Variants in MECOM observed in about 807,000 individuals in gnomAD.
The protein encoded by MECOM is MDS1 and EVI1 complex locus, also known as histone-lysine N-methyltransferase MECOM.
Under a neutral mutation model 116.3 loss-of-function variants are expected in MECOM, and 13 were observed. That is an observed-to-expected ratio of 0.11 (90% CI 0.07 to 0.18). MECOM has a LOEUF of 0.18. Among genes scored for constraint, MECOM ranks in the 10% least tolerant of loss-of-function variants. The probability of loss-of-function intolerance (pLI) is 1.00; values close to 1 mark genes in which losing one functional copy is unlikely to be tolerated. For synonymous variants in MECOM, 528 were observed against 535.2 expected (o/e 0.99, Z 0.19); for missense variants, 1,299 against 1,509.0 (o/e 0.86, Z 2.31).
Position 169,263,277 on chromosome 3 carries a change from C to T in MECOM, c.375+117910G>A, listed in dbSNP as rs577098137. ...CCGAGTAGCTGGGACTACAGGCGCC[C>T]GCCACCATGCTCGGTTAATCTTTTG... On this transcript the variant is annotated intron_variant, in intron 2 of 16. Transcript: ENST00000651503. 2.1e-3 allele frequency among the ~76,000 whole-genome samples: 316 copies of T among 150,420 alleles called. 2 individuals are homozygous for T. Among genetic ancestry groups the T allele is most frequent in the Middle Eastern group, 3.4e-3 (1 of 290 alleles).
intron 1 of MECOM, among the ~76,000 whole-genome samples, chr3:169,521,915 A>G (rs975091138): frequency 1.2e-4 from 18 of 152,242 alleles, no homozygotes; most frequent in African/African-American, 4.3e-4. Flanking sequence ...ACAATACAGT[A>G]AAAGAACTAT....
At chr3:169,584,109 C>T (rs770080377) in intron 1 of MECOM, among the ~76,000 whole-genome samples, 6 of 152,084 alleles carry the variant, frequency 3.9e-5, no homozygotes, top group Non-Finnish European at 7.3e-5. Flanking sequence ...AATGAGGCTC[C>T]TCAGTCCATA....
chr3:169,614,753 C>T (rs192315527), intron 1 of MECOM: 4 of 152,192 alleles, frequency 2.6e-5, no homozygotes, highest in Non-Finnish European at 5.9e-5. Flanking sequence ...AGGCTGGTCT[C>T]AAACTCCTGG....
intron 1 of MECOM, among the ~76,000 whole-genome samples, chr3:169,570,455 T>C (rs1471635450): frequency 6.6e-6 from 1 of 151,858 alleles, no homozygotes; most frequent in African/African-American, 2.4e-5. Flanking sequence ...TTCCAAACAA[T>C]GGAAAAAGAG....
At chr3:169,576,696 G>A (rs1764533652) in intron 1 of MECOM, among the ~76,000 whole-genome samples, 1 of 151,982 alleles carries the variant, frequency 6.6e-6, no homozygotes. Flanking sequence ...TTCTCTGTAT[G>A]AGAGTGGGGT....
At chr3:169,548,325 G>A (rs1396741781) in intron 1 of MECOM, among the ~76,000 whole-genome samples, 1 of 152,204 alleles carries the variant, frequency 6.6e-6, no homozygotes, top group African/African-American at 2.4e-5. Flanking sequence ...CCATGTGCAA[G>A]TAGACACAGC....
At position 169,115,954 on chromosome 3, in the gene MECOM, T is replaced by C. The variant is rs1270164492; in HGVS notation, c.1918A>G (p.Asn640Asp). 1 of 1,614,148 alleles carries C rather than the reference T, an allele frequency of 6.2e-7. No homozygotes were observed. The highest frequency in any genetic ancestry group is 1.7e-5 in the Admixed American group (1 of 60,022). ...AAAGATGGTGAGAAAATGGAATGAT[T>C]GCTGTATTCTTTCTTATTATTTATT... ...ASINNKKEYS[N>D]HSIFSPSLEE... is the part of the protein sequence containing the mutation. The change falls in exon 8 of 17, where the codon AAT (asparagine) becomes GAT (aspartate). Residue 640 changes from asparagine to aspartate, a missense_variant. Physicochemically the swap from Asn to Asp is conservative, Grantham distance 23. This residue lies in a region of MECOM where 238 missense variants were observed against 273.1 expected (regional missense o/e 0.87). Coordinates refer to ENST00000651503, the MANE Select transcript of MECOM (RefSeq NM_004991.4).
intron 1 of MECOM, among the ~76,000 whole-genome samples, chr3:169,485,853 A>G: frequency 7.8e-6 from 1 of 128,474 alleles, no homozygotes. Context: ...GTGTGTGTAT[A>G]TACCATATGT....
chr3:169,653,433 C>A (rs1365883096), intron 1 of MECOM, among the ~76,000 whole-genome samples: 3 of 152,050 alleles, frequency 2.0e-5, no homozygotes, highest in African/African-American at 7.2e-5. Flanking sequence ...AAAGACAATT[C>A]CATACTATTG....
chr3:169,198,002 C>A (rs139119368), intron 2 of MECOM, among the ~76,000 whole-genome samples: 2 of 152,160 alleles, frequency 1.3e-5, no homozygotes, highest in African/African-American at 4.8e-5. Context: ...AATACCAAAT[C>A]ATGTTCCTTT....
intron 1 of MECOM, among the ~76,000 whole-genome samples, chr3:169,658,898 G>A (rs906128901): frequency 6.6e-6 from 1 of 152,072 alleles, no homozygotes; most frequent in African/African-American, 2.4e-5. Flanking sequence ...GGGCGTGCCG[G>A]GGGCAACTCC....
intron 2 of MECOM, among the ~76,000 whole-genome samples, chr3:169,164,558 G>C (rs1228398041): frequency 6.6e-6 from 1 of 151,974 alleles, no homozygotes; most frequent in East Asian, 1.9e-4. Context: ...GATCTACTAA[G>C]GTTCTCAAAA....
chr3:169,264,999 A>C (rs1483280168), intron 2 of MECOM, among the ~76,000 whole-genome samples: 2 of 152,042 alleles, frequency 1.3e-5, no homozygotes, highest in Non-Finnish European at 2.9e-5. Context: ...CAGGATCTCT[A>C]CCAACTAAGA....
intron 1 of MECOM, among the ~76,000 whole-genome samples, chr3:169,516,624 C>G (rs528881632): frequency 2.6e-5 from 4 of 152,268 alleles, no homozygotes; most frequent in African/African-American, 4.8e-5. Context: ...AGTACCATGA[C>G]CACATGTGAC....
chr3:169,440,874 A>T (rs1375746979), intron 1 of MECOM, among the ~76,000 whole-genome samples: 1 of 152,094 alleles, frequency 6.6e-6, no homozygotes, highest in Non-Finnish European at 1.5e-5. Flanking sequence ...ATATGAAGAG[A>T]TATTCATGTT....
At chr3:169,258,445 A>AT (rs1757139042) in intron 2 of MECOM, among the ~76,000 whole-genome samples, 1 of 152,100 alleles carries the variant, frequency 6.6e-6, no homozygotes, top group Non-Finnish European at 1.5e-5. Flanking sequence ...TCTTTTATTC[A>AT]TTTTTTTAAA....
intron 2 of MECOM, among the ~76,000 whole-genome samples, chr3:169,181,484 G>C (rs1283391061): frequency 6.6e-6 from 1 of 152,142 alleles, no homozygotes; most frequent in African/African-American, 2.4e-5. Flanking sequence ...AGAGGAACAG[G>C]TCAGCCCTTG....
chr3:169,533,427 T>G (rs1310379480), intron 1 of MECOM, among the ~76,000 whole-genome samples: 1 of 152,170 alleles, frequency 6.6e-6, no homozygotes, highest in Non-Finnish European at 1.5e-5. Context: ...CACCTGGTTC[T>G]TATTTTCCCA....
chr3:169,552,746 T>C (rs1160213947), intron 1 of MECOM, among the ~76,000 whole-genome samples: 6 of 148,952 alleles, frequency 4.0e-5, no homozygotes, highest in Non-Finnish European at 8.9e-5. Context: ...ATCCAGAGAC[T>C]GGTCTATGTT....
Sources: gnomAD v4.1 joint callset for allele counts (sites outside exome capture counted in the v4.1 genomes callset) on GRCh38, gnomAD v4.1.1 for gene constraint, gnomAD v4.1.1 regional missense constraint, MANE v1.5 for transcripts, NCBI Gene and HGNC (gene_info 2026-07-23, HGNC 2026-07-21) for gene names.